PAX2: variants seen among roughly 807,000 people sequenced by gnomAD.
The protein encoded by PAX2 is paired box 2.
In PAX2, 9 loss-of-function variants were observed where a neutral mutation model predicts 41.7. That is an observed-to-expected ratio of 0.22 (90% confidence interval 0.13 to 0.38). The LOEUF is 0.38. Ranked by LOEUF, PAX2 falls within the 10% of genes least tolerant of loss-of-function variation. PAX2 has a pLI of 1.00. For missense variants in PAX2, 418 were observed against 531.6 expected, an observed-to-expected ratio of 0.79 and a Z score of 2.10; for synonymous variants, 221 against 212.7, an observed-to-expected ratio of 1.04 and a Z score of -0.34.
chr10:100,813,773 G>A (rs1848085617), intron 7 of PAX2, among the ~76,000 whole-genome samples: 1 of 152,138 alleles, frequency 6.6e-6, no homozygotes. Flanking sequence ...AATTTGTACA[G>A]GATAGTAACC....
chr10:100,805,426 G>C (rs182945903), intron 5 of PAX2, among the ~76,000 whole-genome samples: 7 of 152,098 alleles, frequency 4.6e-5, no homozygotes, highest in Non-Finnish European at 8.8e-5. Context: ...TATGGGGTTT[G>C]GGGGGGAAAC....
In PAX2 at chr10:100,750,637, C is replaced by G. The variant is rs1023778954; in HGVS notation, c.213-57C>G. On this transcript the variant is annotated intron_variant, in intron 2 of 9. Coordinates refer to ENST00000355243, the MANE Select transcript of PAX2 (RefSeq NM_000278.5). The surrounding 1 kb of genome is among the most constrained non-coding windows in gnomAD (Gnocchi z 4.1). The stretch of plus-strand genomic sequence containing the variant: ...GGCTCAGCAGCTCTGGAACCTGCAG[C>G]CCCCCTGCCCCGCCACAGTCCGCTT... The G allele has an allele frequency of 1.4e-5, 20 of 1,466,462 alleles. No individual in the cohort carries two copies. The South Asian group carries it at 1.9e-4, about 14-fold the overall frequency. 90.8% of individuals were successfully genotyped at this position (1,466,462 alleles called of 1,614,324 possible).
chr10:100,753,708 CT>C (rs1410227745), intron 3 of PAX2, among the ~76,000 whole-genome samples: 2 of 152,068 alleles, frequency 1.3e-5, no homozygotes, highest in African/African-American at 4.8e-5. Flanking sequence ...TTTTCATCTT[CT>C]CCTTCCCAAA....
At chr10:100,747,915 CCTGG>C (rs1845261572) in intron 1 of PAX2, 6 of 983,846 alleles carry the variant, frequency 6.1e-6, no homozygotes, top group Middle Eastern at 5.2e-4. Context: ...TCCGCCGAGT[CCTGG>C]CTGCCCGCGG....
At chr10:100,766,566 T>C (rs976537994) in intron 3 of PAX2, among the ~76,000 whole-genome samples, 3 of 152,218 alleles carry the variant, frequency 2.0e-5, no homozygotes, top group African/African-American at 7.2e-5. Context: ...GGCTTAACTC[T>C]CCAAATCAGG....
At chr10:100,753,151 C>T (rs1002813114) in intron 3 of PAX2, among the ~76,000 whole-genome samples, 1 of 152,206 alleles carries the variant, frequency 6.6e-6, no homozygotes, top group Non-Finnish European at 1.5e-5. Flanking sequence ...ACCAACAACA[C>T]GGGCAGCCTA....
At position 100,746,194 on chromosome 10, in the gene PAX2, C is replaced by G; in HGVS notation, c.-67C>G. 2 of 1,609,906 alleles carry G rather than the reference C, an allele frequency of 1.2e-6. No homozygotes were observed. The highest frequency in any genetic ancestry group is 8.5e-7 in the Non-Finnish European group (1 of 1,177,836). ...CCGTCCCTCCCTTTTCTCCTCAAGT[C>G]CTGAAGTTGAGTTTGAGAGGCGACA... On this transcript the variant is annotated 5_prime_UTR_variant, in exon 1 of 10. Transcript: ENST00000355243.
At chr10:100,776,532 C>T (rs1846393570) in intron 3 of PAX2, among the ~76,000 whole-genome samples, 1 of 152,158 alleles carries the variant, frequency 6.6e-6, no homozygotes, top group African/African-American at 2.4e-5. Flanking sequence ...TTTCCCAGTC[C>T]CTGGAAATAA....
At chr10:100,804,127 T>C (rs996715601) in intron 5 of PAX2, among the ~76,000 whole-genome samples, 15 of 152,152 alleles carry the variant, frequency 9.9e-5, no homozygotes, top group Middle Eastern at 3.4e-3. Flanking sequence ...ATATATCACC[T>C]CTCTGCGGGC....
intron 5 of PAX2, among the ~76,000 whole-genome samples, chr10:100,793,914 G>A (rs944528955): frequency 2.6e-5 from 4 of 152,188 alleles, no homozygotes; most frequent in African/African-American, 9.7e-5. Context: ...AGGCAAGGCT[G>A]TTGCACTCAG....
rs892263616 is a variant in PAX2 at position 100,748,342 on chromosome 10, G to T, written c.44-1404G>T. 1.0e-6 allele frequency: 1 copy of T among 984,560 alleles called. No individual in the cohort carries two copies. Among genetic ancestry groups the T allele is most frequent in the African/African-American group, 1.7e-5 (1 of 57,158 alleles). The allele number at this position is 984,560 out of a possible 1,614,324, so 61.0% of individuals were successfully genotyped here. On this transcript the variant is annotated intron_variant, in intron 1 of 9. Transcript: ENST00000355243. The surrounding 1 kb of genome is among the most constrained non-coding windows in gnomAD (Gnocchi z 5.0). ...TAGGGAGATTAACGGGGTGGGCAAGGGGGTAAAAGAAGGGGCTTCAGTCTC... is the reference window on the plus strand; with the variant it reads ...TAGGGAGATTAACGGGGTGGGCAAGTGGGTAAAAGAAGGGGCTTCAGTCTC...
intron 5 of PAX2, among the ~76,000 whole-genome samples, chr10:100,786,762 A>G (rs1299852049): frequency 6.6e-6 from 1 of 152,178 alleles, no homozygotes; most frequent in African/African-American, 2.4e-5. Flanking sequence ...GGGGTGGCCT[A>G]GGGCCCAAGA....
At chr10:100,804,606 G>A (rs568710406) in intron 5 of PAX2, among the ~76,000 whole-genome samples, 2 of 152,082 alleles carry the variant, frequency 1.3e-5, no homozygotes, top group Admixed American at 6.6e-5. Flanking sequence ...CAGGAGAAAC[G>A]GGGCATGTGG....
At position 100,798,128 on chromosome 10, in the gene PAX2, T is replaced by TTC. The variant is rs1309620611; in HGVS notation, c.617-8302_617-8301insTC. Among the ~76,000 whole-genome samples the TTC allele has an allele frequency of 9.6e-4, 105 of 108,964 alleles. 3 individuals carry two copies. Among genetic ancestry groups the TTC allele is most frequent in the Non-Finnish European group, 1.1e-3 (55 of 51,278 alleles). The allele number at this position is 108,964 out of a possible 152,430, so 71.5% of individuals were successfully genotyped here. On this transcript the variant is annotated intron_variant, in intron 5 of 9. Transcript: ENST00000355243. The stretch of plus-strand genomic sequence containing the variant: ...TCTTTTTTTTTTTTTTTTTTTTTTT[T>TTC]AGACAGGGTCAGGGTCTCACTCTGT...
In PAX2 at chr10:100,809,181, C is replaced by T. The variant is rs1188364466; in HGVS notation, c.864C>T (p.Thr288=). The change falls in exon 7 of 10, where the codon ACC becomes ACT. Residue 288 remains threonine (T), a synonymous_variant. Transcript: ENST00000355243. ...DEVKSSLSAS[T]NPELGSNVSG... The stretch of plus-strand genomic sequence containing the variant: ...TCAAGTCGAGTCTATCTGCATCCAC[C>T]AACCCTGAGCTGGGCAGCAACGTGT... 1.2e-6 allele frequency: 2 copies of T among 1,613,846 alleles called. No individual in the cohort carries two copies. The highest frequency in any genetic ancestry group is 2.2e-5 in the South Asian group (2 of 91,066).
intron 3 of PAX2, among the ~76,000 whole-genome samples, chr10:100,771,964 G>T (rs1589836844): frequency 6.6e-6 from 1 of 152,036 alleles, no homozygotes; most frequent in Non-Finnish European, 1.5e-5. Context: ...CCGCCACCAT[G>T]CCCGGCTAAT....
upstream of PAX2, among the ~76,000 whole-genome samples, chr10:100,741,627 C>G (rs1012813555): frequency 6.6e-5 from 10 of 152,104 alleles, no homozygotes; most frequent in African/African-American, 2.4e-4. Context: ...GCGAGTGAGC[C>G]TCGGTTGGTC....
chr10:100,746,280 C>T lies in PAX2; in HGVS notation c.20C>T (p.Ala7Val). 2 of 1,612,562 alleles carry T rather than the reference C, an allele frequency of 1.2e-6. No individual in the cohort carries two copies. The highest frequency in any genetic ancestry group is 1.3e-5 in the African/African-American group (1 of 75,006). MDMHCK[A>V]DPFSAMHPGH... Reference sequence around the variant, plus strand: ...CTCCCCATGGATATGCACTGCAAAGCAGACCCCTTCTCCGCGATGCACCGT... The same window carrying T: ...CTCCCCATGGATATGCACTGCAAAGTAGACCCCTTCTCCGCGATGCACCGT... Residue 7 changes from alanine (A) to valine (V), a missense_variant, in exon 1 of 10, where the codon GCA (alanine) becomes GTA (valine). Transcript: ENST00000355243.
rs1231415326 is a variant in PAX2 at position 100,750,767 on chromosome 10, G to A, written c.286G>A (p.Val96Met). The change falls in exon 3 of 10, where the codon GTG (valine) becomes ATG (methionine). Residue 96 changes from valine (V) to methionine (M), a missense_variant. Coordinates refer to ENST00000355243, the MANE Select transcript of PAX2 (RefSeq NM_000278.5). This position sits in a 1 kb window ranked among gnomAD's most constrained non-coding sequence, Gnocchi z 4.1. ...SKPKVATPKV[V>M]DKIAEYKRQN... ...GCCCAAAGTGGCGACGCCCAAAGTGGTGGACAAGATTGCTGAATACAAACG... is the reference window on the plus strand; with the variant it reads ...GCCCAAAGTGGCGACGCCCAAAGTGATGGACAAGATTGCTGAATACAAACG... 1 of 1,614,228 alleles carries A rather than the reference G, an allele frequency of 6.2e-7. No individual in the cohort carries two copies. Among genetic ancestry groups the A allele is most frequent in the Non-Finnish European group, 8.5e-7 (1 of 1,180,010 alleles).
Sources: gnomAD v4.1 joint callset for allele counts (sites outside exome capture counted in the v4.1 genomes callset) on GRCh38, gnomAD v4.1.1 for gene constraint, Gnocchi (gnomAD v3.1) non-coding constraint, MANE v1.5 for transcripts, NCBI Gene and HGNC (gene_info 2026-07-23, HGNC 2026-07-21) for gene names.